Variants in SAMD5 observed in about 807,000 individuals in gnomAD.
SAMD5 encodes the protein sterile alpha motif domain-containing protein 5.
In SAMD5, 13 loss-of-function variants were observed where a neutral mutation model predicts 11.3. The observed-to-expected ratio is 1.15, with a 90% CI of 0.75 to 1.83. The LOEUF is 1.83. Ranked by LOEUF, SAMD5 falls within the 40% of genes most tolerant of loss-of-function variation. The pLI, the probability that SAMD5 is intolerant of heterozygous loss-of-function variation, is 0.00. For synonymous variants in SAMD5, 129 were observed against 111.3 expected (o/e 1.16, Z -1.00); for missense variants, 255 against 239.1 (o/e 1.07, Z -0.44).
intron 1 of SAMD5, among the ~76,000 whole-genome samples, chr6:147,712,544 A>C (rs1301671956): frequency 1.3e-5 from 2 of 152,188 alleles, no homozygotes; most frequent in Non-Finnish European, 2.9e-5. Context: ...TTGAAGGCCT[A>C]ACCCTCAATG....
intron 1 of SAMD5, among the ~76,000 whole-genome samples, chr6:147,531,170 T>G (rs781119987): frequency 1.2e-4 from 16 of 138,676 alleles, no homozygotes; most frequent in Non-Finnish European, 2.2e-4. Flanking sequence ...TTTTTTTTTT[T>G]TGTCAATTTT....
chr6:147,728,292 C>G (rs1378491269), intron 1 of SAMD5, among the ~76,000 whole-genome samples: 1 of 152,108 alleles, frequency 6.6e-6, no homozygotes, highest in Non-Finnish European at 1.5e-5. Flanking sequence ...GTCTTGTATG[C>G]GTGTAATCCC....
chr6:147,643,270 C>T (rs1252237101), intron 1 of SAMD5, among the ~76,000 whole-genome samples: 2 of 151,916 alleles, frequency 1.3e-5, no homozygotes, highest in African/African-American at 4.8e-5. Context: ...TTATGGGCTT[C>T]AGTGTTCCAT....
At chr6:147,537,204 C>T (rs1049680717) in intron 1 of SAMD5, among the ~76,000 whole-genome samples, 2 of 152,106 alleles carry the variant, frequency 1.3e-5, no homozygotes, top group Non-Finnish European at 2.9e-5. Flanking sequence ...GACCAAAGAA[C>T]GCTAAACGCC....
chr6:147,583,198 C>T (rs1789323705), intron 1 of SAMD5, among the ~76,000 whole-genome samples: 1 of 152,182 alleles, frequency 6.6e-6, no homozygotes, highest in South Asian at 2.1e-4. Context: ...GATGCCACAT[C>T]AGGGCTCTGA....
the SAMD5 span, among the ~76,000 whole-genome samples, chr6:147,840,662 G>C: frequency 6.6e-6 from 1 of 152,204 alleles, no homozygotes; most frequent in African/African-American, 2.4e-5. Context: ...ATCTCTGCTG[G>C]TTAAGGAATG....
At chr6:147,800,053 C>A in the SAMD5 span, among the ~76,000 whole-genome samples, 1 of 152,184 alleles carries the variant, frequency 6.6e-6, no homozygotes, top group Non-Finnish European at 1.5e-5. Context: ...TCGTCTGAAG[C>A]CTTCTTCTCT....
At chr6:147,781,894 C>T in the SAMD5 span, among the ~76,000 whole-genome samples, 2 of 151,606 alleles carry the variant, frequency 1.3e-5, no homozygotes, top group African/African-American at 2.4e-5. Flanking sequence ...GGTGGTGGTC[C>T]TCAGCCTCCC....
intron 1 of SAMD5, among the ~76,000 whole-genome samples, chr6:147,621,497 C>T (rs1455052725): frequency 2.0e-5 from 3 of 152,142 alleles, no homozygotes; most frequent in African/African-American, 7.2e-5. Context: ...CAACAGCCAT[C>T]CCTCCTTCTC....
chr6:147,943,001 A>C, the SAMD5 span, among the ~76,000 whole-genome samples: 15 of 151,586 alleles, frequency 9.9e-5, no homozygotes, highest in Non-Finnish European at 2.1e-4. Context: ...TTTTATTTTT[A>C]GTAGAGATGG....
At chr6:147,535,380 C>T (rs534947031) in intron 1 of SAMD5, among the ~76,000 whole-genome samples, 65 of 152,250 alleles carry the variant, frequency 4.3e-4, no homozygotes, top group African/African-American at 1.5e-3. Flanking sequence ...GTACAAATTT[C>T]GATTTTAAAA....
At chr6:147,787,109 T>A in the SAMD5 span, among the ~76,000 whole-genome samples, 1 of 152,186 alleles carries the variant, frequency 6.6e-6, no homozygotes, top group Non-Finnish European at 1.5e-5. Context: ...TCCTGAAAAA[T>A]CTATTTGTAT....
rs530324785 is a variant in SAMD5 at position 147,508,704 on chromosome 6, C to T, written c.-225C>T. The stretch of plus-strand genomic sequence containing the variant: ...GCCCAGCAGCCAGTGCCTGCGAGCT[C>T]CGCTGCTGCTTGGGGAATTCACTTT... On this transcript the variant is annotated 5_prime_UTR_variant, in exon 1 of 2. Transcript: ENST00000367474. Among the ~76,000 whole-genome samples the T allele has an allele frequency of 9.7e-4, 148 of 152,246 alleles. No individual in the cohort carries two copies. The highest frequency in any genetic ancestry group is 6.0e-4 in the Non-Finnish European group (41 of 67,998).
the SAMD5 span, among the ~76,000 whole-genome samples, chr6:147,878,444 TG>T: frequency 6.6e-6 from 1 of 151,814 alleles, no homozygotes; most frequent in Non-Finnish European, 1.5e-5. Flanking sequence ...CCATCAATTT[TG>T]GGGTTAGAAT....
chr6:147,819,459 C>T, the SAMD5 span, among the ~76,000 whole-genome samples: 9 of 152,254 alleles, frequency 5.9e-5, 1 homozygote, highest in East Asian at 1.7e-3. Flanking sequence ...TTAAAAAACA[C>T]AACAAAAATC....
intron 1 of SAMD5, among the ~76,000 whole-genome samples, chr6:147,524,481 G>A (rs893190800): frequency 6.6e-6 from 1 of 151,162 alleles, no homozygotes; most frequent in Admixed American, 6.6e-5. Flanking sequence ...ATAGTGAACC[G>A]AAGCTTTATT....
chr6:147,677,018 A>G (rs1352628721), intron 1 of SAMD5, among the ~76,000 whole-genome samples: 1 of 145,718 alleles, frequency 6.9e-6, no homozygotes, highest in African/African-American at 2.6e-5. Flanking sequence ...TTTCTTTCTT[A>G]AAGAAAGACA....
the SAMD5 span, among the ~76,000 whole-genome samples, chr6:147,778,433 G>A: frequency 0.12 from 18,640 of 152,042 alleles, 1,235 homozygotes; most frequent in Middle Eastern, 0.16. Context: ...GTCCAAAACC[G>A]AAGGCAGATT....
Position 147,676,635 on chromosome 6 carries a change from G to T in SAMD5, c.163-60682G>T, listed in dbSNP as rs1048154737. On this transcript the variant is annotated intron_variant, in intron 1 of 1. Transcript: ENST00000566741. ...ATCCCTACACCCTAGAACATGCCTG[G>T]CACATTGTAGGCAGTCAGTATATAC... Among the ~76,000 whole-genome samples, 5 of 152,234 alleles carry T rather than the reference G, an allele frequency of 3.3e-5. No individual in the cohort carries two copies. The East Asian group carries it at 9.7e-4, about 29-fold the overall frequency.
Sources: gnomAD v4.1 joint callset for allele counts (sites outside exome capture counted in the v4.1 genomes callset) on GRCh38, gnomAD v4.1.1 for gene constraint, MANE v1.5 for transcripts, NCBI Gene and HGNC (gene_info 2026-07-23, HGNC 2026-07-21) for gene names.